The following CNTN4 variants were observed in gnomAD, a reference collection of about 807,000 sequenced individuals.
CNTN4 encodes the protein contactin 4.
CNTN4 carries 77 observed loss-of-function variants against 122.5 expected under a neutral mutation model. The ratio of observed to expected loss-of-function variants is 0.63; its 90% CI spans 0.52 to 0.76. CNTN4 has a LOEUF of 0.76. Ranked by LOEUF, CNTN4 falls within the 30% of genes least tolerant of loss-of-function variation. The probability of loss-of-function intolerance (pLI) is 0.00; values close to 1 mark genes in which losing one functional copy is unlikely to be tolerated. For missense variants in CNTN4, 1,256 were observed against 1,259.1 expected, an observed-to-expected ratio of 1.00 and a Z score of 0.04; for synonymous variants, 512 against 447.0, an observed-to-expected ratio of 1.15 and a Z score of -1.83.
At chr3:2,449,690 G>A (rs2048754860) in intron 3 of CNTN4, among the ~76,000 whole-genome samples, 1 of 151,824 alleles carries the variant, frequency 6.6e-6, no homozygotes, top group Non-Finnish European at 1.5e-5. Context: ...CATATATCCA[G>A]AAGTGGTATT....
At chr3:2,154,405 A>G (rs4638946) in intron 2 of CNTN4, among the ~76,000 whole-genome samples, 11,308 of 151,892 alleles carry the variant, frequency 0.074, 696 homozygotes, top group East Asian at 0.18. Context: ...AAAAGTGGAT[A>G]TGGTAATTTT....
chr3:2,767,114 A>G (rs111878517), intron 6 of CNTN4, among the ~76,000 whole-genome samples: 60 of 152,358 alleles, frequency 3.9e-4, no homozygotes, highest in African/African-American at 1.4e-3. Flanking sequence ...AAAATATACC[A>G]GGCTAATAAG....
At chr3:2,702,422 A>T (rs2086408132) in intron 4 of CNTN4, among the ~76,000 whole-genome samples, 1 of 152,262 alleles carries the variant, frequency 6.6e-6, no homozygotes, top group African/African-American at 2.4e-5. Flanking sequence ...GCATATTTTC[A>T]TTATAATATT....
intron 2 of CNTN4, among the ~76,000 whole-genome samples, chr3:2,197,065 A>G (rs866903583): frequency 1.4e-5 from 2 of 144,644 alleles, no homozygotes; most frequent in Non-Finnish European, 3.0e-5. Flanking sequence ...AAAAAAAAAA[A>G]AAAAAGAAGA....
chr3:2,350,713 C>A (rs1192358296), intron 3 of CNTN4, among the ~76,000 whole-genome samples: 1 of 152,086 alleles, frequency 6.6e-6, no homozygotes, highest in Non-Finnish European at 1.5e-5. Flanking sequence ...AGCTCTCAGT[C>A]AATATTTAAT....
chr3:2,284,876 A>G (rs1049739196), intron 2 of CNTN4, among the ~76,000 whole-genome samples: 1 of 151,090 alleles, frequency 6.6e-6, no homozygotes, highest in Admixed American at 6.6e-5. Flanking sequence ...GACATTATTA[A>G]TAGTAAAGTG....
chr3:2,116,198 A>C (rs200914586), intron 2 of CNTN4, among the ~76,000 whole-genome samples: 1 of 152,308 alleles, frequency 6.6e-6, no homozygotes, highest in East Asian at 1.9e-4. Context: ...ATGCACTTTC[A>C]TACCCAGTTT....
At chr3:2,885,836 C>T (rs1400456553) in intron 9 of CNTN4, among the ~76,000 whole-genome samples, 1 of 152,146 alleles carries the variant, frequency 6.6e-6, no homozygotes, top group Non-Finnish European at 1.5e-5. Flanking sequence ...ACAAGAGTCT[C>T]ACACACATTT....
At position 2,948,847 on chromosome 3, in the gene CNTN4, T is replaced by A. The variant is rs80293506; in HGVS notation, c.1358+23068T>A. ...AATCCTGAATGCCAAAACACAACTT[T>A]CCCTGAGAGTTTTTGATAAGGGGTT... On this transcript the variant is annotated intron_variant, in intron 13 of 24. Transcript: ENST00000418658. Among the ~76,000 whole-genome samples, 543 of 152,276 alleles carry A rather than the reference T, an allele frequency of 3.6e-3. 2 individuals carry two copies. The highest frequency in any genetic ancestry group is 0.012 in the African/African-American group (498 of 41,558).
intron 3 of CNTN4, among the ~76,000 whole-genome samples, chr3:2,388,459 C>T (rs1033240664): frequency 6.6e-6 from 1 of 152,158 alleles, no homozygotes; most frequent in Non-Finnish European, 1.5e-5. Flanking sequence ...ATTAATTACT[C>T]GAGGATAAGC....
chr3:2,946,444 G>A (rs772910880), intron 13 of CNTN4, among the ~76,000 whole-genome samples: 2 of 152,224 alleles, frequency 1.3e-5, no homozygotes, highest in African/African-American at 4.8e-5. Flanking sequence ...CTCATGTAAC[G>A]TCATGTCTCA....
At chr3:2,643,628 T>C (rs79521117) in intron 4 of CNTN4, among the ~76,000 whole-genome samples, 2,929 of 152,246 alleles carry the variant, frequency 0.019, 98 homozygotes, top group African/African-American at 0.065. Context: ...TGATTACCTT[T>C]CAGGTGGAGA....
At chr3:2,578,493 C>A (rs1021954826) in intron 4 of CNTN4, among the ~76,000 whole-genome samples, 1 of 152,098 alleles carries the variant, frequency 6.6e-6, no homozygotes, top group African/African-American at 2.4e-5. Context: ...TATTTCAATT[C>A]CCAAGATTCT....
intron 7 of CNTN4, among the ~76,000 whole-genome samples, chr3:2,824,187 G>A (rs1036479354): frequency 4.0e-5 from 6 of 151,136 alleles, no homozygotes; most frequent in East Asian, 1.9e-4. Flanking sequence ...GGCCAGGCGC[G>A]GTGACTCACA....
chr3:2,577,786 G>A lies in CNTN4; in HGVS notation c.55+6228G>A, dbSNP rs562403663. 1.7e-4 allele frequency among the ~76,000 whole-genome samples: 26 copies of A among 152,284 alleles called. No individual in the cohort carries two copies. In the South Asian group the frequency reaches 1.9e-3, roughly 11 times the overall value. ...CATATGTTTACGTGCAGCAAGAGGC[G>A]TGAAGACATTTAAAACTCTCTGTGA... On this transcript the variant is annotated intron_variant, in intron 4 of 24. Transcript: ENST00000418658.
intron 3 of CNTN4, among the ~76,000 whole-genome samples, chr3:2,438,673 C>T (rs2048334041): frequency 6.6e-6 from 1 of 152,164 alleles, no homozygotes; most frequent in Admixed American, 6.6e-5. Context: ...AGTCATGACT[C>T]AGTACAGTTA....
intron 2 of CNTN4, among the ~76,000 whole-genome samples, chr3:2,122,507 A>C (rs2033868607): frequency 6.6e-6 from 1 of 152,210 alleles, no homozygotes; most frequent in South Asian, 2.1e-4. Context: ...CAAAGGCCAT[A>C]ATACTAGAAC....
intron 3 of CNTN4, among the ~76,000 whole-genome samples, chr3:2,445,885 G>C (rs2048607867): frequency 6.7e-6 from 1 of 150,198 alleles, no homozygotes; most frequent in African/African-American, 2.5e-5. Context: ...TGCAGAGATG[G>C]GGGAAGCCTA....
In CNTN4 at chr3:2,949,066, C is replaced by G. The variant is rs954101751; in HGVS notation, c.1358+23287C>G. Among the ~76,000 whole-genome samples the G allele has an allele frequency of 1.1e-4, 16 of 152,218 alleles. No individual in the cohort carries two copies. In the South Asian group the frequency reaches 3.3e-3, roughly 32 times the overall value. On this transcript the variant is annotated intron_variant, in intron 13 of 24. Transcript: ENST00000418658. ...TCTGACCATATCTGCTGCTAGCTAGCTCTTTCTCTTAGCTACAATCACACC... is the reference window on the plus strand; with the variant it reads ...TCTGACCATATCTGCTGCTAGCTAGGTCTTTCTCTTAGCTACAATCACACC...
Sources: allele counts gnomAD v4.1 joint callset (sites outside exome capture counted in the v4.1 genomes callset), GRCh38; gene constraint gnomAD v4.1.1; transcripts MANE v1.5; gene names NCBI Gene and HGNC (gene_info 2026-07-23, HGNC 2026-07-21).